Variants in CFAP54 observed in about 807,000 individuals in gnomAD.
The protein encoded by CFAP54 is cilia- and flagella-associated protein 54.
Under a neutral mutation model 370.4 loss-of-function variants are expected in CFAP54, and 290 were observed. That is an observed-to-expected ratio of 0.78 (90% CI 0.71 to 0.86). The LOEUF (loss-of-function observed/expected upper bound fraction) is 0.86. CFAP54 is among the 40% of genes least tolerant of loss of function. The pLI is 0.00. For missense variants in CFAP54, 3,399 were observed against 3,528.7 expected, an observed-to-expected ratio of 0.96 and a Z score of 0.93; for synonymous variants, 1,206 against 1,236.5, an observed-to-expected ratio of 0.98 and a Z score of 0.52.
At chr12:96,686,926 T>G (rs1011843177) in intron 42 of CFAP54, among the ~76,000 whole-genome samples, 1 of 152,190 alleles carries the variant, frequency 6.6e-6, no homozygotes, top group Non-Finnish European at 1.5e-5. Flanking sequence ...GGTTTATTAT[T>G]TTACAGTTAT....
chr12:96,667,554 C>T (rs976485749), intron 39 of CFAP54, among the ~76,000 whole-genome samples: 3 of 152,222 alleles, frequency 2.0e-5, no homozygotes, highest in Non-Finnish European at 4.4e-5. Flanking sequence ...ACCTTAACCC[C>T]TTCTAGCTAT....
chr12:96,544,589 G>A (rs2136391609), intron 14 of CFAP54, among the ~76,000 whole-genome samples: 1 of 152,230 alleles, frequency 6.6e-6, no homozygotes, highest in South Asian at 2.1e-4. Context: ...CTGATTGTAG[G>A]ACATAAGACT....
intron 9 of CFAP54, among the ~76,000 whole-genome samples, chr12:96,530,661 G>C (rs2136377806): frequency 6.6e-6 from 1 of 152,264 alleles, no homozygotes; most frequent in African/African-American, 2.4e-5. Flanking sequence ...TTTGTGTGAA[G>C]GTAAGTTTTC....
At chr12:96,651,518 A>C in intron 35 of CFAP54, 70 bp from the exon 36 acceptor site, 1 of 1,244,830 alleles carries the variant, frequency 8.0e-7, no homozygotes, top group African/African-American at 1.5e-5. Context: ...TATTTGGAAA[A>C]AGATGAAGTT....
At chr12:96,787,554 A>G (rs898366996) in intron 62 of CFAP54, among the ~76,000 whole-genome samples, 2 of 152,238 alleles carry the variant, frequency 1.3e-5, no homozygotes, top group African/African-American at 2.4e-5. Flanking sequence ...TCCAAAATGA[A>G]TGTGTTAAAA....
chr12:96,613,542 A>G (rs1309336204), intron 26 of CFAP54, among the ~76,000 whole-genome samples: 2 of 152,208 alleles, frequency 1.3e-5, no homozygotes, highest in African/African-American at 2.4e-5. Context: ...AAGGAGATAG[A>G]GACACAAAAA....
At chr12:96,826,522 ATATAT>A (rs1241239436) in intron 65 of CFAP54, among the ~76,000 whole-genome samples, 5 of 72,896 alleles carry the variant, frequency 6.9e-5, no homozygotes, top group African/African-American at 9.9e-5. Context: ...TAAATATATA[ATATAT>A]TATATATTAT....
intron 60 of CFAP54, among the ~76,000 whole-genome samples, chr12:96,780,056 T>C (rs902161941): frequency 1.3e-5 from 2 of 152,174 alleles, no homozygotes; most frequent in Non-Finnish European, 1.5e-5. Context: ...CTTAGAGATA[T>C]GGAGGCATTC....
intron 66 of CFAP54, 47 bp from the exon 67 acceptor site, chr12:96,860,772 C>A: frequency 6.9e-7 from 1 of 1,454,948 alleles, no homozygotes; most frequent in East Asian, 2.6e-5. Flanking sequence ...ACTTTGTCAA[C>A]AGTTTGAAAC....
intron 63 of CFAP54, among the ~76,000 whole-genome samples, chr12:96,794,190 T>G (rs1487806042): frequency 6.6e-6 from 1 of 152,226 alleles, no homozygotes; most frequent in Non-Finnish European, 1.5e-5. Flanking sequence ...CATCTTAACT[T>G]TAGCTAACCT....
At chr12:96,534,708 T>C (rs1289517214) in intron 11 of CFAP54, among the ~76,000 whole-genome samples, 1 of 152,194 alleles carries the variant, frequency 6.6e-6, no homozygotes, top group Admixed American at 6.5e-5. Context: ...CCGTGTCTGC[T>C]TTTTACACCA....
chr12:96,603,823 T>A (rs1177489028), intron 26 of CFAP54, among the ~76,000 whole-genome samples: 3 of 152,214 alleles, frequency 2.0e-5, no homozygotes, highest in Admixed American at 6.5e-5. Context: ...TTTAAGGTCT[T>A]CTCTACACTG....
At chr12:96,606,374 T>C (rs903919499) in intron 26 of CFAP54, among the ~76,000 whole-genome samples, 3 of 152,224 alleles carry the variant, frequency 2.0e-5, no homozygotes, top group South Asian at 4.1e-4. Context: ...TTGAGAGTTA[T>C]TGTAAGAGGT....
At chr12:96,657,408 T>TTA (rs776540173) in intron 36 of CFAP54, among the ~76,000 whole-genome samples, 2 of 152,208 alleles carry the variant, frequency 1.3e-5, no homozygotes, top group Non-Finnish European at 2.9e-5. Flanking sequence ...CATTATGTGT[T>TTA]TATACTAAAG....
At position 96,490,935 on chromosome 12, in the gene CFAP54, C is replaced by T. The variant is rs146563143; in HGVS notation, c.317+1009C>T. 4.3e-3 allele frequency among the ~76,000 whole-genome samples: 655 copies of T among 151,526 alleles called. 6 individuals carry two copies. The highest frequency in any genetic ancestry group is 0.015 in the African/African-American group (620 of 41,290). On this transcript the variant is annotated intron_variant, in intron 1 of 67. Transcript: ENST00000524981. Reference sequence around the variant, plus strand: ...ATGACTGCTAGGGAGAAAAATAGAACAGGGAATGGTGTTGGAGGATATGAG... The same window carrying T: ...ATGACTGCTAGGGAGAAAAATAGAATAGGGAATGGTGTTGGAGGATATGAG...
At chr12:96,495,872 A>C (rs1954948500) in intron 1 of CFAP54, among the ~76,000 whole-genome samples, 1 of 152,146 alleles carries the variant, frequency 6.6e-6, no homozygotes, top group South Asian at 2.1e-4. Context: ...ATGAGTAACA[A>C]ACCTAGTCAT....
Position 96,564,508 on chromosome 12 carries a change from G to T in CFAP54, c.2451G>T (p.Lys817Asn), listed in dbSNP as rs1005896534. Reference sequence around the variant, plus strand: ...CTGTTAGCAAAGATATTTCTACCAAGGGTCCGGAAAAGTTAAAACAATCTG... The same window carrying T: ...CTGTTAGCAAAGATATTTCTACCAATGGTCCGGAAAAGTTAAAACAATCTG... ...TPTVSKDIST[K>N]GPEKLKQSGS... The change falls in exon 18 of 68, where the codon AAG becomes AAT. Residue 817 changes from lysine to asparagine, a missense_variant. Lys to Asn is a moderately conservative substitution (Grantham distance 94, BLOSUM62 0). Around this residue, in one of 3 missense-constraint regions of CFAP54, gnomAD observed 2,796 missense variants for 2,869.7 expected, o/e 0.97. Coordinates refer to ENST00000524981, the MANE Select transcript of CFAP54 (RefSeq NM_001306084.2). 2.9e-6 allele frequency: 2 copies of T among 698,868 alleles called. No individual in the cohort carries two copies. The highest frequency in any genetic ancestry group is 5.2e-6 in the Non-Finnish European group (2 of 382,848). The allele number at this position is 698,868 out of a possible 1,614,324, so 43.3% of individuals were successfully genotyped here.
chr12:96,682,198 C>T, intron 40 of CFAP54: 1 of 985,424 alleles, frequency 1.0e-6, no homozygotes, highest in Non-Finnish European at 1.2e-6. Context: ...GGAATTTTGC[C>T]TGGGGACAGA....
intron 5 of CFAP54, among the ~76,000 whole-genome samples, chr12:96,518,610 CA>C (rs903378787): frequency 1.3e-5 from 2 of 152,104 alleles, no homozygotes; most frequent in Admixed American, 1.3e-4. Flanking sequence ...CAATTGAACC[CA>C]GGGGGCGGAG....
Sources: allele counts gnomAD v4.1 joint callset (sites outside exome capture counted in the v4.1 genomes callset), GRCh38; gene constraint gnomAD v4.1.1; regional missense constraint gnomAD v4.1.1; transcripts MANE v1.5; gene names NCBI Gene and HGNC (gene_info 2026-07-23, HGNC 2026-07-21).